ANKMY2: variants seen among roughly 807,000 people sequenced by gnomAD.
ANKMY2 encodes the protein ankyrin repeat and MYND domain-containing protein 2.
ANKMY2 carries 36 observed loss-of-function variants against 50.4 expected under a neutral mutation model. The observed-to-expected ratio is 0.71, with a 90% CI of 0.55 to 0.94. The LOEUF (loss-of-function observed/expected upper bound fraction) is 0.94. Among genes scored for constraint, ANKMY2 ranks in the 40% least tolerant of loss-of-function variants. ANKMY2 has a pLI of 0.00. For missense variants in ANKMY2, 565 were observed against 524.0 expected (o/e 1.08, Z -0.76); for synonymous variants, 187 against 178.8 (o/e 1.05, Z -0.36).
At chr7:16,609,419 A>T (rs768113656) in intron 7 of ANKMY2, among the ~76,000 whole-genome samples, 2 of 152,222 alleles carry the variant, frequency 1.3e-5, no homozygotes, top group Non-Finnish European at 2.9e-5. Flanking sequence ...CTGTTTATGA[A>T]ACTATGAACC....
At chr7:16,632,818 G>C (rs1049550249) in intron 2 of ANKMY2, among the ~76,000 whole-genome samples, 2 of 152,152 alleles carry the variant, frequency 1.3e-5, no homozygotes, top group Non-Finnish European at 2.9e-5. Flanking sequence ...ATCATGTGAG[G>C]AACTGCGAGA....
intron 1 of ANKMY2, among the ~76,000 whole-genome samples, chr7:16,642,417 A>C (rs1222092616): frequency 6.6e-6 from 1 of 152,220 alleles, no homozygotes; most frequent in East Asian, 1.9e-4. Context: ...GTATGTTGGA[A>C]ACAGATTTTC....
intron 4 of ANKMY2, among the ~76,000 whole-genome samples, chr7:16,617,941 T>TG (rs1419564004): frequency 3.3e-5 from 4 of 122,078 alleles, no homozygotes; most frequent in Admixed American, 8.8e-5. Context: ...TTTTTTTTTT[T>TG]GGGTGAGACA....
intron 5 of ANKMY2, among the ~76,000 whole-genome samples, chr7:16,611,614 C>G (rs928941640): frequency 1.3e-5 from 2 of 152,146 alleles, no homozygotes; most frequent in Admixed American, 6.5e-5. Flanking sequence ...GGGGTGGGTC[C>G]TTGGTGAAGC....
rs1781215209 is a variant in ANKMY2 at position 16,609,688 on chromosome 7, G to A, written c.824C>T (p.Pro275Leu). The A allele has an allele frequency of 1.4e-5, 22 of 1,613,010 alleles. No individual in the cohort carries two copies. Among genetic ancestry groups the A allele is most frequent in the Non-Finnish European group, 1.8e-5 (21 of 1,179,696 alleles). Residue 275 changes from proline (P) to leucine (L), a missense_variant, in exon 7 of 10, where the codon CCT (proline) becomes CTT (leucine). Pro to Leu is a moderately conservative substitution (Grantham distance 98). Coordinates refer to ENST00000306999, the MANE Select transcript of ANKMY2 (RefSeq NM_020319.3). ...CTGGAGGAGTGTAGCTTCACAGTAA[G>A]GAAATTTTCTGATACTTTCTCTAAT... is the stretch of plus-strand genomic sequence containing the variant. ...KIIRESIRKF[P>L]YCEATLLQQL...
intron 2 of ANKMY2, among the ~76,000 whole-genome samples, chr7:16,633,935 T>C (rs1040837416): frequency 2.0e-5 from 3 of 152,308 alleles, no homozygotes; most frequent in Non-Finnish European, 4.4e-5. Flanking sequence ...CTTAAGGCTA[T>C]TATGTTCTTG....
intron 1 of ANKMY2, among the ~76,000 whole-genome samples, chr7:16,644,456 A>G (rs1781788904): frequency 1.3e-5 from 2 of 152,206 alleles, no homozygotes; most frequent in African/African-American, 4.8e-5. Flanking sequence ...ATGAAGAATA[A>G]ATCTGCCTTA....
At chr7:16,629,986 A>C (rs1371640449) in intron 2 of ANKMY2, among the ~76,000 whole-genome samples, 4 of 152,292 alleles carry the variant, frequency 2.6e-5, no homozygotes, top group African/African-American at 9.6e-5. Flanking sequence ...ATTTCAGTGT[A>C]AATATCCAGA....
chr7:16,615,792 T>A lies in ANKMY2; in HGVS notation c.483A>T (p.Ala161=), dbSNP rs1047989332. The change falls in exon 5 of 10, where the codon GCA becomes GCT. Residue 161 remains alanine, a synonymous_variant. Coordinates refer to ENST00000306999, the MANE Select transcript of ANKMY2 (RefSeq NM_020319.3). ...DKEPKLPPKL[A]GPLHKIITTT... is the part of the protein sequence containing the mutation. ...TGGTGATAATTTTGTGCAGCGGGCCTGCCAACTTTGGGGGCAGTTTTGGCT... is the reference window on the plus strand; with the variant it reads ...TGGTGATAATTTTGTGCAGCGGGCCAGCCAACTTTGGGGGCAGTTTTGGCT... The A allele has an allele frequency of 2.1e-5, 34 of 1,614,138 alleles. No individual in the cohort carries two copies. The highest frequency in any genetic ancestry group is 2.9e-5 in the Non-Finnish European group (34 of 1,180,056).
intron 4 of ANKMY2, among the ~76,000 whole-genome samples, chr7:16,622,768 A>C (rs1781456895): frequency 7.0e-6 from 1 of 143,322 alleles, no homozygotes; most frequent in East Asian, 2.0e-4. Context: ...AAATAAATAA[A>C]TAAATAAATA....
intron 3 of ANKMY2, among the ~76,000 whole-genome samples, chr7:16,625,594 G>T (rs1475277324): frequency 1.3e-5 from 2 of 152,130 alleles, no homozygotes; most frequent in East Asian, 3.9e-4. Flanking sequence ...TGGGTATTTT[G>T]CTATTATGAA....
intron 1 of ANKMY2, among the ~76,000 whole-genome samples, chr7:16,642,728 C>T (rs879271288): frequency 6.6e-6 from 1 of 151,656 alleles, no homozygotes; most frequent in Non-Finnish European, 1.5e-5. Context: ...TTGCTTATGG[C>T]CTTTCTTCAA....
chr7:16,607,403 T>C (rs1229149574), intron 7 of ANKMY2, among the ~76,000 whole-genome samples: 4 of 151,914 alleles, frequency 2.6e-5, no homozygotes, highest in Non-Finnish European at 4.4e-5. Context: ...CCGTCTTTAC[T>C]AAAAATGCAG....
intron 7 of ANKMY2, among the ~76,000 whole-genome samples, chr7:16,606,348 G>A (rs1781161330): frequency 6.6e-6 from 1 of 151,960 alleles, no homozygotes; most frequent in Non-Finnish European, 1.5e-5. Context: ...AGGATCACCT[G>A]AGTCCGGGAG....
intron 2 of ANKMY2, among the ~76,000 whole-genome samples, chr7:16,627,651 AT>A (rs1449553887): frequency 1.4e-4 from 21 of 152,338 alleles, no homozygotes; most frequent in Admixed American, 1.4e-3. Flanking sequence ...GAACTGGAAC[AT>A]TTTTCACAAA....
At chr7:16,620,934 C>T (rs1026550283) in intron 4 of ANKMY2, among the ~76,000 whole-genome samples, 3 of 151,990 alleles carry the variant, frequency 2.0e-5, no homozygotes, top group African/African-American at 7.3e-5. Context: ...AAAAGAGTGA[C>T]ATTATACAAT....
At chr7:16,630,463 A>C (rs1287483560) in intron 2 of ANKMY2, among the ~76,000 whole-genome samples, 1 of 152,252 alleles carries the variant, frequency 6.6e-6, no homozygotes, top group Non-Finnish European at 1.5e-5. Context: ...ACAATTCTTT[A>C]GATACAATCC....
chr7:16,604,794 C>A lies in ANKMY2; in HGVS notation c.938G>T (p.Gly313Val). Residue 313 changes from glycine to valine, a missense_variant, in exon 8 of 10, where the codon GGT becomes GTT. Gly to Val is a moderately radical substitution (Grantham distance 109). Transcript: ENST00000306999. ...AGTGCAAAATTCCACATCCACAAAA[C>A]CCACCTGGCCAGTGATGGCTTGGGT... ...VLTQAITGQVGFVDVEFCTTC... is the reference protein window; with the variant it reads ...VLTQAITGQVVFVDVEFCTTC... The A allele has an allele frequency of 6.2e-7, 1 of 1,614,092 alleles. No individual in the cohort carries two copies. The highest frequency in any genetic ancestry group is 8.5e-7 in the Non-Finnish European group (1 of 1,179,960).
chr7:16,644,574 G>C (rs983011796), intron 1 of ANKMY2: 2 of 399,610 alleles, frequency 5.0e-6, no homozygotes, highest in African/African-American at 4.2e-5. Context: ...GACAAACATG[G>C]CTATATTATT....
Sources: allele counts gnomAD v4.1 joint callset (sites outside exome capture counted in the v4.1 genomes callset), GRCh38; gene constraint gnomAD v4.1.1; transcripts MANE v1.5; gene names NCBI Gene and HGNC (gene_info 2026-07-23, HGNC 2026-07-21).